Variants in CREBBP observed in about 807,000 individuals in gnomAD.
CREBBP encodes the protein CREB-binding protein.
A neutral mutation model predicts 265.0 loss-of-function variants in CREBBP; 19 were observed. That is an observed-to-expected ratio of 0.07 (90% CI 0.05 to 0.11). CREBBP has a LOEUF of 0.11. Ranked by LOEUF, CREBBP falls within the 10% of genes least tolerant of loss-of-function variation. CREBBP has a pLI of 1.00. For synonymous variants in CREBBP, 1,457 were observed against 1,223.7 expected (o/e 1.19, Z -3.98); for missense variants, 2,525 against 3,219.0 (o/e 0.78, Z 5.22).
chr16:3,810,550 A>G (rs2053917579), intron 3 of CREBBP, 53 bp downstream of exon 3: 1 of 1,597,196 alleles, frequency 6.3e-7, no homozygotes, highest in African/African-American at 1.3e-5. Flanking sequence ...AAAAATCCAC[A>G]GACCACAGCA....
At chr16:3,799,024 C>T (rs1423012256) in intron 3 of CREBBP, among the ~76,000 whole-genome samples, 1 of 152,182 alleles carries the variant, frequency 6.6e-6, no homozygotes, top group African/African-American at 2.4e-5. Flanking sequence ...ACCACACATA[C>T]TACAACATGA....
At chr16:3,780,902 C>T (rs755748154) in intron 7 of CREBBP, 24 bp from the exon 8 acceptor site, 17 of 1,612,428 alleles carry the variant, frequency 1.1e-5, no homozygotes, top group Non-Finnish European at 1.4e-5. Context: ...AAAGACACTT[C>T]ATCCATCTAC....
chr16:3,785,506 A>C (rs2053364946), intron 5 of CREBBP, among the ~76,000 whole-genome samples: 1 of 152,254 alleles, frequency 6.6e-6, no homozygotes, highest in Non-Finnish European at 1.5e-5. Context: ...GATTAATGTC[A>C]AATTCGGTTT....
chr16:3,865,438 T>C (rs1026096902), intron 1 of CREBBP, among the ~76,000 whole-genome samples: 2 of 152,118 alleles, frequency 1.3e-5, no homozygotes, highest in Non-Finnish European at 1.5e-5. Context: ...CTACCTCAGT[T>C]AAGAAGAAAA....
chr16:3,824,569 G>T (rs1018730061), intron 2 of CREBBP, among the ~76,000 whole-genome samples: 2 of 152,176 alleles, frequency 1.3e-5, no homozygotes, highest in Non-Finnish European at 2.9e-5. Context: ...AGGAACAAAC[G>T]CTGCTCTGAT....
intron 3 of CREBBP, among the ~76,000 whole-genome samples, chr16:3,807,570 C>G (rs774726548): frequency 6.6e-6 from 1 of 152,092 alleles, no homozygotes; most frequent in Non-Finnish European, 1.5e-5. Context: ...TAAGCACGGG[C>G]TGGTGAAGCA....
chr16:3,856,473 T>A (rs1400057201), intron 1 of CREBBP, among the ~76,000 whole-genome samples: 2 of 152,162 alleles, frequency 1.3e-5, no homozygotes, highest in African/African-American at 4.8e-5. Context: ...TTTCCCAGGC[T>A]TGCCAGCTAA....
intron 1 of CREBBP, 52 bp from the exon 2 acceptor site, chr16:3,851,061 T>G: frequency 6.8e-7 from 1 of 1,473,360 alleles, no homozygotes; most frequent in Non-Finnish European, 9.5e-7. Context: ...TTTACAGCTC[T>G]CCAACTGCCA....
chr16:3,789,141 C>T (rs1251114983), intron 5 of CREBBP, among the ~76,000 whole-genome samples: 1 of 152,184 alleles, frequency 6.6e-6, no homozygotes, highest in Non-Finnish European at 1.5e-5. Context: ...TCAGGTAAGA[C>T]CAGCGCTGGC....
At chr16:3,814,341 G>A (rs149594310) in intron 2 of CREBBP, among the ~76,000 whole-genome samples, 2,702 of 151,366 alleles carry the variant, frequency 0.018, 34 homozygotes, top group Non-Finnish European at 0.029. Context: ...TGCAACCTCC[G>A]CCTCCCAGAT....
At chr16:3,804,377 A>G (rs776415070) in intron 3 of CREBBP, among the ~76,000 whole-genome samples, 1 of 152,142 alleles carries the variant, frequency 6.6e-6, no homozygotes, top group Non-Finnish European at 1.5e-5. Flanking sequence ...AATTTACACA[A>G]TTTTTTGATA....
chr16:3,823,318 T>C (rs1002407190), intron 2 of CREBBP, among the ~76,000 whole-genome samples: 1 of 152,212 alleles, frequency 6.6e-6, no homozygotes, highest in African/African-American at 2.4e-5. Flanking sequence ...AACATTAAAC[T>C]GTCATTAAAC....
chr16:3,788,817 T>C (rs917999125), intron 5 of CREBBP, among the ~76,000 whole-genome samples: 1 of 152,144 alleles, frequency 6.6e-6, no homozygotes, highest in African/African-American at 2.4e-5. Context: ...CCAGGTATGG[T>C]GGCAGATGCC....
chr16:3,767,962 C>T (rs763823455), intron 15 of CREBBP, 53 bp from the exon 16 acceptor site: 20 of 1,547,990 alleles, frequency 1.3e-5, no homozygotes, highest in South Asian at 7.8e-5. Context: ...TTTATGTTAC[C>T]GCAACCTCAC....
At chr16:3,851,067 T>A (rs529634950) in intron 1 of CREBBP, 58 bp from the exon 2 acceptor site, 1 of 1,441,938 alleles carries the variant, frequency 6.9e-7, no homozygotes, top group African/African-American at 1.4e-5. Flanking sequence ...GCTCTCCAAC[T>A]GCCACGTTTC....
chr16:3,849,425 GTGTGTGTGTGTGTGT>G (rs1663218183), intron 2 of CREBBP, among the ~76,000 whole-genome samples: 56 of 10,580 alleles, frequency 5.3e-3, no homozygotes, highest in South Asian at 0.01. Context: ...GTGTGTGTGT[GTGTGTGTGTGTGTGT>G]GTGTGTGTGT....
rs190522075 is a variant in CREBBP at position 3,805,879 on chromosome 16, C to T, written c.975+4724G>A. On this transcript the variant is annotated intron_variant, in intron 3 of 30. Coordinates refer to ENST00000262367, the MANE Select transcript of CREBBP (RefSeq NM_004380.3). Reference sequence around the variant, plus strand: ...CGAGTTCCAGCAGAACACAAAGAACCGCAAGCCCATGTATTTAAGAATTAT... The same window carrying T: ...CGAGTTCCAGCAGAACACAAAGAACTGCAAGCCCATGTATTTAAGAATTAT... Among the ~76,000 whole-genome samples, 104 of 152,216 alleles carry T rather than the reference C, an allele frequency of 6.8e-4. 1 individual carries two copies. Among genetic ancestry groups the T allele is most frequent in the African/African-American group, 2.3e-3 (94 of 41,524 alleles).
intron 2 of CREBBP, among the ~76,000 whole-genome samples, chr16:3,828,692 G>C (rs934271767): frequency 6.6e-6 from 1 of 152,116 alleles, no homozygotes; most frequent in Admixed American, 6.5e-5. Context: ...CAGACAAAAT[G>C]ATGCAGTCGA....
intron 1 of CREBBP, among the ~76,000 whole-genome samples, chr16:3,852,700 A>G (rs1272467006): frequency 1.3e-5 from 2 of 152,192 alleles, no homozygotes; most frequent in Non-Finnish European, 2.9e-5. Flanking sequence ...ATAAATGGAC[A>G]AAAGACATAA....
Sources: gnomAD v4.1 joint callset for allele counts (sites outside exome capture counted in the v4.1 genomes callset) on GRCh38, gnomAD v4.1.1 for gene constraint, MANE v1.5 for transcripts, NCBI Gene and HGNC (gene_info 2026-07-23, HGNC 2026-07-21) for gene names.